Variants in ZBTB40 observed in about 807,000 individuals in gnomAD.
The protein encoded by ZBTB40 is zinc finger and BTB domain containing 40.
Under a neutral mutation model 117.5 loss-of-function variants are expected in ZBTB40, and 60 were observed. That is an observed-to-expected ratio of 0.51 (90% CI 0.41 to 0.63). The LOEUF is 0.63. ZBTB40 is among the 30% of genes least tolerant of loss of function. ZBTB40 has a pLI of 0.00. For missense variants in ZBTB40, 1,287 were observed against 1,498.5 expected, an observed-to-expected ratio of 0.86 and a Z score of 2.33; for synonymous variants, 525 against 577.1, an observed-to-expected ratio of 0.91 and a Z score of 1.29.
At chr1:22,496,271 G>A (rs1638771390) in intron 3 of ZBTB40, among the ~76,000 whole-genome samples, 1 of 152,184 alleles carries the variant, frequency 6.6e-6, no homozygotes, top group Non-Finnish European at 1.5e-5. Context: ...GGGACTGTGA[G>A]GCTCAGGGAA....
At chr1:22,514,553 C>T (rs763032025) in intron 12 of ZBTB40, among the ~76,000 whole-genome samples, 13 of 152,132 alleles carry the variant, frequency 8.5e-5, no homozygotes, top group East Asian at 3.9e-4. Flanking sequence ...TTGCTGGGGA[C>T]GCTTCCCATC....
intron 1 of ZBTB40, among the ~76,000 whole-genome samples, chr1:22,429,432 G>A (rs1279241111): frequency 6.6e-6 from 1 of 151,788 alleles, no homozygotes; most frequent in African/African-American, 2.4e-5. Flanking sequence ...AAAGGCATTT[G>A]CCTACATTTT....
chr1:22,470,731 T>C (rs1641382496), intron 1 of ZBTB40, among the ~76,000 whole-genome samples: 1 of 152,144 alleles, frequency 6.6e-6, no homozygotes, highest in Non-Finnish European at 1.5e-5. Flanking sequence ...CAGAAGAGTC[T>C]AGGAACCCCG....
chr1:22,432,973 A>G (rs1035290105), intron 1 of ZBTB40, among the ~76,000 whole-genome samples: 3 of 152,220 alleles, frequency 2.0e-5, no homozygotes, highest in African/African-American at 7.2e-5. Context: ...AATATGTACT[A>G]TGTAGCCCTT....
intron 10 of ZBTB40, 23 bp from the exon 11 acceptor site, chr1:22,511,653 C>T: frequency 6.2e-7 from 1 of 1,609,660 alleles, no homozygotes; most frequent in East Asian, 2.2e-5. Flanking sequence ...TTCGCAGAGC[C>T]ACGAGATGTC....
intron 3 of ZBTB40, among the ~76,000 whole-genome samples, chr1:22,492,025 C>A (rs1329490293): frequency 2.0e-5 from 3 of 152,168 alleles, no homozygotes; most frequent in Non-Finnish European, 4.4e-5. Flanking sequence ...ACGAACACTT[C>A]CTGTATTAAG....
At chr1:22,511,593 C>A in intron 10 of ZBTB40, 83 bp from the exon 11 acceptor site, 2 of 1,458,032 alleles carry the variant, frequency 1.4e-6, no homozygotes, top group Admixed American at 2.1e-5. Flanking sequence ...TCTCTAGTCT[C>A]CTGTAAGAAG....
chr1:22,493,683 C>T lies in ZBTB40; in HGVS notation c.831+2150C>T, dbSNP rs540172897. Among the ~76,000 whole-genome samples, 19 of 152,066 alleles carry T rather than the reference C, an allele frequency of 1.2e-4. No homozygotes were observed. The South Asian group carries it at 3.7e-3, about 30-fold the overall frequency. On this transcript the variant is annotated intron_variant, in intron 3 of 17. Coordinates refer to ENST00000375647, the MANE Select transcript of ZBTB40 (RefSeq NM_014870.4). ...CCCTGGGTAACCACTGGTCTGCTTTCGGTCACTGTACGTAAGTTTGTATTT... is the reference window on the plus strand; with the variant it reads ...CCCTGGGTAACCACTGGTCTGCTTTTGGTCACTGTACGTAAGTTTGTATTT...
chr1:22,511,472 C>T (rs186187813), intron 10 of ZBTB40, 125 bp downstream of exon 10: 656 of 1,371,856 alleles, frequency 4.8e-4, no homozygotes, highest in Non-Finnish European at 6.2e-4. Flanking sequence ...TTTATATGCT[C>T]TGAATACCTA....
intron 5 of ZBTB40, among the ~76,000 whole-genome samples, chr1:22,503,404 C>T (rs1399851889): frequency 1.3e-5 from 2 of 151,090 alleles, no homozygotes. Flanking sequence ...CAACTTTGTG[C>T]TAAAAATACT....
intron 16 of ZBTB40, among the ~76,000 whole-genome samples, chr1:22,523,738 G>A (rs1359942215): frequency 2.6e-5 from 4 of 152,122 alleles, no homozygotes; most frequent in Admixed American, 2.0e-4. Flanking sequence ...CTTCCAAGCC[G>A]TGGATGCCCA....
At chr1:22,466,458 A>T (rs1641257489) in intron 1 of ZBTB40, among the ~76,000 whole-genome samples, 1 of 152,204 alleles carries the variant, frequency 6.6e-6, no homozygotes, top group African/African-American at 2.4e-5. Flanking sequence ...AGAAACTGCC[A>T]GACTGTTTTC....
At position 22,429,700 on chromosome 1, in the gene ZBTB40, T is replaced by G. The variant is rs1057019073; in HGVS notation, c.-70+686T>G. ...ATCTACATTTTTTTTCCATTAAGTGTGATGTCTGCTGGCCAGACGCGATGG... is the reference window on the plus strand; with the variant it reads ...ATCTACATTTTTTTTCCATTAAGTGGGATGTCTGCTGGCCAGACGCGATGG... On this transcript the variant is annotated intron_variant, in intron 1 of 8. Transcript: ENST00000650433. Among the ~76,000 whole-genome samples the G allele has an allele frequency of 3.9e-5, 6 of 152,014 alleles. No homozygotes were observed. In the South Asian group the frequency reaches 1.2e-3, roughly 32 times the overall value.
intron 1 of ZBTB40, among the ~76,000 whole-genome samples, chr1:22,430,401 T>C (rs7522662): frequency 0.94 from 143,611 of 152,244 alleles, 68,320 homozygotes; most frequent in East Asian, 1. Flanking sequence ...CCAGCCTAGG[T>C]AACATAGCAA....
chr1:22,501,013 A>T lies in ZBTB40; in HGVS notation c.832-479A>T, dbSNP rs1051692479. Among the ~76,000 whole-genome samples, 102 of 152,238 alleles carry T rather than the reference A, an allele frequency of 6.7e-4. 1 individual carries two copies. Among genetic ancestry groups the T allele is most frequent in the Non-Finnish European group, 6.5e-4 (44 of 68,038 alleles). The stretch of plus-strand genomic sequence containing the variant: ...GCCCATGAAATACTTAAAATGCCAG[A>T]TTCAGAAAGGTATAATTAGGTAAGA... On this transcript the variant is annotated intron_variant, in intron 3 of 17. Transcript: ENST00000375647.
intron 1 of ZBTB40, among the ~76,000 whole-genome samples, chr1:22,435,331 A>T (rs575411332): frequency 3.0e-4 from 45 of 152,286 alleles, no homozygotes; most frequent in Admixed American, 3.9e-4. Flanking sequence ...AAGCATATAC[A>T]TTGGTATTTT....
Position 22,502,347 on chromosome 1 carries a change from A to T in ZBTB40, c.1073A>T (p.Lys358Ile), listed in dbSNP as rs1638959076. 1 of 1,613,908 alleles carries T rather than the reference A, an allele frequency of 6.2e-7. No homozygotes were observed. The highest frequency in any genetic ancestry group is 1.7e-5 in the Admixed American group (1 of 60,002). ...TTGTCTGTTCTGTTACTAGAACACA[A>T]AGAGGACCTGATACAGTGTGTAACA... Reference protein sequence around the residue: ...KTLSVLLLEHKEDLIQCVTQL... With the variant: ...KTLSVLLLEHIEDLIQCVTQL... Residue 358 changes from lysine to isoleucine, a missense_variant, in exon 5 of 18, where the codon AAA (lysine) becomes ATA (isoleucine). Transcript: ENST00000375647.
At chr1:22,474,942 AT>A (rs1641519207) in intron 1 of ZBTB40, among the ~76,000 whole-genome samples, 1 of 106,990 alleles carries the variant, frequency 9.3e-6, no homozygotes, top group African/African-American at 4.7e-5. Flanking sequence ...AGTACCAACA[AT>A]AAAAAAAAAA....
rs1639484088 is a variant in ZBTB40, at chr1:22,520,185, C to A, written c.2958C>A (p.Ile986=). ...EYHPCPTCGK[I]FSAPSMLERH... ...ACCCCTGCCCCACGTGTGGGAAGAT[C>A]TTCAGTGCCCCGTCCATGCTGGAGC... Residue 986 remains isoleucine, a synonymous_variant, in exon 14 of 18, where the codon ATC becomes ATA. Transcript: ENST00000375647. 1 of 1,613,972 alleles carries A rather than the reference C, an allele frequency of 6.2e-7. No individual in the cohort carries two copies. The highest frequency in any genetic ancestry group is 8.5e-7 in the Non-Finnish European group (1 of 1,179,970).
Sources: allele counts gnomAD v4.1 joint callset (sites outside exome capture counted in the v4.1 genomes callset), GRCh38; gene constraint gnomAD v4.1.1; transcripts MANE v1.5; gene names NCBI Gene and HGNC (gene_info 2026-07-23, HGNC 2026-07-21).